The following MYOCD variants were observed in gnomAD, a reference collection of about 807,000 sequenced individuals.
The protein encoded by MYOCD is myocardin.
MYOCD carries 32 observed loss-of-function variants against 96.1 expected under a neutral mutation model. The observed-to-expected ratio is 0.33, with a 90% CI of 0.25 to 0.45. MYOCD has a LOEUF of 0.45. Among genes scored for constraint, MYOCD ranks in the 20% least tolerant of loss-of-function variants. The pLI is 1.00. For missense variants in MYOCD, 1,133 were observed against 1,200.6 expected (o/e 0.94, Z 0.83); for synonymous variants, 469 against 469.0 (o/e 1.00, Z 0.00).
intron 1 of MYOCD, among the ~76,000 whole-genome samples, chr17:12,689,303 A>G (rs935447812): frequency 1.7e-4 from 26 of 152,314 alleles, no homozygotes; most frequent in African/African-American, 6.0e-4. Context: ...GAAATCTTGT[A>G]ACTTCTTGGA....
intron 1 of MYOCD, among the ~76,000 whole-genome samples, chr17:12,679,146 C>T (rs536825835): frequency 1.1e-3 from 166 of 152,262 alleles, no homozygotes; most frequent in Non-Finnish European, 1.7e-3. Flanking sequence ...TAGGCAGATG[C>T]CTGGCATTTA....
chr17:12,749,846 G>T (rs1326638116), intron 9 of MYOCD, among the ~76,000 whole-genome samples: 1 of 151,216 alleles, frequency 6.6e-6, no homozygotes, highest in Non-Finnish European at 1.5e-5. Context: ...AAAGTTTTTT[G>T]TTTGTTTGTT....
In MYOCD at chr17:12,723,008, G is replaced by A; in HGVS notation, c.415G>A (p.Gly139Ser). Reference sequence around the variant, plus strand: ...TTCTGCTGTGAAAGAGGCCATAAAAGGTAGTTAGAACAAATGGCATGTCTC... The same window carrying A: ...TTCTGCTGTGAAAGAGGCCATAAAAAGTAGTTAGAACAAATGGCATGTCTC... ...VDSAVKEAIKGNQVSFSKSTD... is the reference protein window; with the variant it reads ...VDSAVKEAIKSNQVSFSKSTD... The change falls in exon 5 of 14, where the codon GGT becomes AGT. Residue 139 changes from glycine (G) to serine (S), a missense_variant and splice_region_variant. Coordinates refer to ENST00000425538, the MANE Select transcript of MYOCD (RefSeq NM_001146312.3). 6.2e-7 allele frequency: 1 copy of A among 1,612,784 alleles called. No homozygotes were observed. Among genetic ancestry groups the A allele is most frequent in the Non-Finnish European group, 8.5e-7 (1 of 1,179,416 alleles).
Position 12,725,533 on chromosome 17 carries a change from A to G in MYOCD, c.415+2525A>G, listed in dbSNP as rs372387424. Among the ~76,000 whole-genome samples the G allele has an allele frequency of 1.2e-4, 18 of 148,664 alleles. No individual in the cohort carries two copies. In the South Asian group the frequency reaches 3.6e-3, roughly 29 times the overall value. ...TCTTATATATAAAACTATATGTATG[A>G]ATTATATAAAGCACATGTTTATATT... On this transcript the variant is annotated intron_variant, in intron 5 of 13. Coordinates refer to ENST00000425538, the MANE Select transcript of MYOCD (RefSeq NM_001146312.3).
intron 1 of MYOCD, among the ~76,000 whole-genome samples, chr17:12,692,524 C>T (rs193245452): frequency 3.9e-5 from 6 of 152,246 alleles, no homozygotes; most frequent in East Asian, 1.9e-4. Context: ...AGGATTATGA[C>T]GCTTGGCAGA....
At chr17:12,693,162 A>G (rs2030545174) in intron 1 of MYOCD, among the ~76,000 whole-genome samples, 1 of 152,120 alleles carries the variant, frequency 6.6e-6, no homozygotes. Context: ...ATGATTATAG[A>G]ATATTAAGGG....
chr17:12,766,116 G>A lies in MYOCD; in HGVS notation c.*2472G>A, dbSNP rs1227639348. The A allele has an allele frequency of 6.6e-6, 1 of 152,158 alleles. No individual in the cohort carries two copies. The highest frequency in any genetic ancestry group is 1.9e-4 in the East Asian group (1 of 5,196). 9.4% of individuals were successfully genotyped at this position (152,158 alleles called of 1,614,324 possible). ...TCTTGGGGTCTTGACAAAGCTTGCT[G>A]GTCAGTGCACTTTTCAGGTGTCACG... On this transcript the variant is annotated 3_prime_UTR_variant, in exon 14 of 14. Transcript: ENST00000425538.
intron 12 of MYOCD, among the ~76,000 whole-genome samples, chr17:12,758,780 G>A (rs112384827): frequency 5.3e-5 from 8 of 152,308 alleles, no homozygotes; most frequent in African/African-American, 1.7e-4. Context: ...TGGGTCTGGT[G>A]GCTCACACCT....
At chr17:12,693,698 CAG>C (rs1326919892) in intron 1 of MYOCD, among the ~76,000 whole-genome samples, 1 of 144,232 alleles carries the variant, frequency 6.9e-6, no homozygotes, top group East Asian at 2.0e-4. Flanking sequence ...TGCTCCCTAC[CAG>C]ACATGAAAAT....
rs1909349642 is a variant in MYOCD at position 12,665,962 on chromosome 17, G to C, written c.-227G>C. The C allele has an allele frequency of 1.8e-6, 1 of 549,364 alleles. No homozygotes were observed. Among genetic ancestry groups the C allele is most frequent in the African/African-American group, 1.9e-5 (1 of 52,594 alleles). The allele number at this position is 549,364 out of a possible 1,614,324, so 34.0% of individuals were successfully genotyped here. A position where few individuals can be genotyped will look rare whatever the true frequency, so the allele number is the denominator to read the frequency against. ...GCTGCTCCTGGCCAACCTCCGAGGA[G>C]GAGGAGGGTCCCGCCGGCTAAGAGT... On this transcript the variant is annotated 5_prime_UTR_variant, in exon 1 of 14. Transcript: ENST00000425538. This position sits in a 1 kb window ranked among gnomAD's most constrained non-coding sequence, Gnocchi z 4.2.
intron 2 of MYOCD, among the ~76,000 whole-genome samples, chr17:12,707,630 C>A (rs1217300176): frequency 6.6e-6 from 1 of 152,256 alleles, no homozygotes; most frequent in East Asian, 1.9e-4. Flanking sequence ...AGGAGAATGG[C>A]GTGAACCCAG....
At chr17:12,741,719 A>T (rs1003438962) in intron 7 of MYOCD, among the ~76,000 whole-genome samples, 1 of 143,678 alleles carries the variant, frequency 7.0e-6, no homozygotes, top group African/African-American at 2.5e-5. Flanking sequence ...ATATATATAA[A>T]AAAAAAAAAA....
Position 12,753,346 on chromosome 17 carries a change from G to T in MYOCD, c.2058G>T (p.Gln686His). The change falls in exon 10 of 14, where the codon CAG (glutamine) becomes CAT (histidine). Residue 686 changes from glutamine (Q) to histidine (H), a missense_variant and splice_region_variant. Gln to His is a conservative substitution (Grantham distance 24). Transcript: ENST00000425538. ...TCAGCAGCCAGGTGTGCACTGCACA[G>T]GTAAGAGCACCTTGCGCCATGCCTG... ...SPISSQVCTAQNSGAHDGHPP... is the reference protein window; with the variant it reads ...SPISSQVCTAHNSGAHDGHPP... 5 of 1,563,632 alleles carry T rather than the reference G, an allele frequency of 3.2e-6. No individual in the cohort carries two copies. Among genetic ancestry groups the T allele is most frequent in the Non-Finnish European group, 3.5e-6 (4 of 1,154,828 alleles).
chr17:12,719,781 C>T (rs1323216428), intron 4 of MYOCD, among the ~76,000 whole-genome samples: 1 of 147,642 alleles, frequency 6.8e-6, no homozygotes, highest in East Asian at 2.0e-4. Context: ...GCAGGAGAAT[C>T]GCTTGAACCC....
At chr17:12,749,089 C>T (rs2032751889) in intron 9 of MYOCD, among the ~76,000 whole-genome samples, 1 of 152,040 alleles carries the variant, frequency 6.6e-6, no homozygotes, top group Non-Finnish European at 1.5e-5. Flanking sequence ...TACTGGCATA[C>T]TTCTTTTCTT....
At chr17:12,692,265 C>G (rs550295356) in intron 1 of MYOCD, among the ~76,000 whole-genome samples, 2 of 152,190 alleles carry the variant, frequency 1.3e-5, no homozygotes, top group Non-Finnish European at 2.9e-5. Flanking sequence ...GCATTCGCAT[C>G]GCAACCTAAA....
At position 12,676,082 on chromosome 17, in the gene MYOCD, G is replaced by A. The variant is rs970751010; in HGVS notation, c.55+9839G>A. 5.1e-4 allele frequency among the ~76,000 whole-genome samples: 77 copies of A among 151,436 alleles called. 1 individual carries two copies. Among genetic ancestry groups the A allele is most frequent in the Admixed American group, 5.0e-3 (76 of 15,242 alleles). ...AAGAAATTGACATCCTAATAGTGGT[G>A]GGGAAAAAAAAACGTATCTGTAAGT... On this transcript the variant is annotated intron_variant, in intron 1 of 13. Transcript: ENST00000425538.
chr17:12,677,424 ACT>A (rs1159774786), intron 1 of MYOCD, among the ~76,000 whole-genome samples: 46 of 151,454 alleles, frequency 3.0e-4, no homozygotes, highest in African/African-American at 1.0e-3. Context: ...TTAAAAAAAA[ACT>A]TATAGGCCGG....
chr17:12,719,461 T>C (rs2031756002), intron 4 of MYOCD, among the ~76,000 whole-genome samples: 1 of 151,978 alleles, frequency 6.6e-6, no homozygotes, highest in Non-Finnish European at 1.5e-5. Flanking sequence ...GGAATTACTT[T>C]AGATGGTGAA....
Sources: allele counts gnomAD v4.1 joint callset (sites outside exome capture counted in the v4.1 genomes callset), GRCh38; gene constraint gnomAD v4.1.1; non-coding constraint Gnocchi (gnomAD v3.1); transcripts MANE v1.5; gene names NCBI Gene and HGNC (gene_info 2026-07-23, HGNC 2026-07-21).